HERC4: variants seen among roughly 807,000 people sequenced by gnomAD.
The protein encoded by HERC4 is probable E3 ubiquitin-protein ligase HERC4.
Under a neutral mutation model 124.3 loss-of-function variants are expected in HERC4, and 28 were observed. The ratio of observed to expected loss-of-function variants is 0.23; its 90% CI spans 0.17 to 0.31. The LOEUF (loss-of-function observed/expected upper bound fraction) is 0.31, where lower values mean the gene tolerates loss of function less well. Among genes scored for constraint, HERC4 ranks in the 10% least tolerant of loss-of-function variants. HERC4 has a pLI of 1.00. For missense variants in HERC4, 713 were observed against 1,229.3 expected (o/e 0.58, Z 6.28); for synonymous variants, 407 against 421.5 (o/e 0.97, Z 0.42).
chr10:67,968,048 C>A (rs2034996986), intron 15 of HERC4, among the ~76,000 whole-genome samples: 1 of 152,074 alleles, frequency 6.6e-6, no homozygotes, highest in African/African-American at 2.4e-5. Context: ...TAAAGAACAA[C>A]TACTGTACTT....
intron 3 of HERC4, among the ~76,000 whole-genome samples, chr10:68,044,905 A>G (rs1426203651): frequency 1.3e-5 from 2 of 152,208 alleles, no homozygotes; most frequent in Non-Finnish European, 2.9e-5. Flanking sequence ...TACTAATAAA[A>G]GAGTCCAGGT....
At chr10:67,927,420 ATATATATATATTTT>A (rs2031207016) in intron 23 of HERC4, among the ~76,000 whole-genome samples, 1 of 8,232 alleles carries the variant, frequency 1.2e-4, no homozygotes, top group African/African-American at 4.3e-4. Context: ...ATATATATAT[ATATATATATATTTT>A]TTTTTTTTTT....
rs954101177 is a variant in HERC4 at position 68,070,296 on chromosome 10, G to A, written c.226+2587C>T. On this transcript the variant is annotated intron_variant, in intron 3 of 24. Coordinates refer to ENST00000373700, the MANE Select transcript of HERC4 (RefSeq NM_015601.4). ...TAGTTAAAAACATTCTTAAAATTTA[G>A]TTAAAAACATTATTTAAAAAACATC... 75 of 961,098 alleles carry A rather than the reference G, an allele frequency of 7.8e-5. 4 individuals carry two copies. Among genetic ancestry groups the A allele is most frequent in the Middle Eastern group, 1.1e-3 (2 of 1,894 alleles). The allele number at this position is 961,098 out of a possible 1,614,324, so 59.5% of individuals were successfully genotyped here. A position where few individuals can be genotyped will look rare whatever the true frequency, so the allele number is the denominator to read the frequency against.
In HERC4 at chr10:67,968,870, G is replaced by C. The variant is rs182513746; in HGVS notation, c.1807-2068C>G. On this transcript the variant is annotated intron_variant, in intron 15 of 24. Transcript: ENST00000373700. ...ATTTTTAACACTGCTCTCATTAACT[G>C]ATAGAAAAAAATAGACAAAACCAGC... is the stretch of plus-strand genomic sequence containing the variant. Among the ~76,000 whole-genome samples, 82 of 152,150 alleles carry C rather than the reference G, an allele frequency of 5.4e-4. 1 individual carries two copies. Among genetic ancestry groups the C allele is most frequent in the African/African-American group, 1.7e-3 (72 of 41,488 alleles).
chr10:68,001,036 T>A (rs1564531252), intron 9 of HERC4, among the ~76,000 whole-genome samples: 1 of 152,148 alleles, frequency 6.6e-6, no homozygotes, highest in Non-Finnish European at 1.5e-5. Context: ...TCCAGGGAGA[T>A]AATAATCACT....
intron 15 of HERC4, among the ~76,000 whole-genome samples, chr10:67,985,479 T>C (rs1391544681): frequency 1.3e-5 from 2 of 152,240 alleles, no homozygotes; most frequent in African/African-American, 4.8e-5. Flanking sequence ...TTTAGTATTC[T>C]TGCTTAAAAA....
At chr10:67,932,977 G>T (rs2031986249) in intron 22 of HERC4, among the ~76,000 whole-genome samples, 197 bp from the exon 23 acceptor site, 1 of 152,138 alleles carries the variant, frequency 6.6e-6, no homozygotes. Context: ...ATAAAAATCA[G>T]CTGTATCCAT....
Position 68,072,899 on chromosome 10 carries a change from T to G in HERC4, c.210A>C (p.Lys70Asn), listed in dbSNP as rs1342724591. Residue 70 changes from lysine to asparagine, a missense_variant, in exon 3 of 25, where the codon AAA becomes AAC. Physicochemically the swap from Lys to Asn is moderately conservative, Grantham distance 94 (BLOSUM62 0). Coordinates refer to ENST00000373700, the MANE Select transcript of HERC4 (RefSeq NM_015601.4). ...CNDLGQLGHE[K>N]SRKKPEQVVA... ...TCAACTTACCTGGTTTCTTTCTGGA[T>G]TTTTCATGACCTAGCTGTCCTAGAT... The G allele has an allele frequency of 1.3e-6, 2 of 1,563,332 alleles. No individual in the cohort carries two copies. The highest frequency in any genetic ancestry group is 1.7e-6 in the Non-Finnish European group (2 of 1,157,554).
At chr10:68,013,988 C>A in intron 9 of HERC4, 38 bp downstream of exon 9, 1 of 1,474,910 alleles carries the variant, frequency 6.8e-7, no homozygotes, top group Non-Finnish European at 9.1e-7. Flanking sequence ...ACAAGAACTT[C>A]AATATATGAA....
intron 23 of HERC4, among the ~76,000 whole-genome samples, chr10:67,927,993 T>C (rs945179220): frequency 6.6e-6 from 1 of 152,022 alleles, no homozygotes; most frequent in Non-Finnish European, 1.5e-5. Flanking sequence ...GGTTTGCAAT[T>C]TTAGATCAGT....
intron 9 of HERC4, 21 bp downstream of exon 9, chr10:68,014,005 C>T (rs2038120588): frequency 6.5e-7 from 1 of 1,545,826 alleles, no homozygotes; most frequent in Non-Finnish European, 8.7e-7. Context: ...TGAAGGAAAG[C>T]TTTAATATGA....
chr10:68,030,066 A>G (rs2039119938), intron 7 of HERC4, among the ~76,000 whole-genome samples: 1 of 152,004 alleles, frequency 6.6e-6, no homozygotes, highest in Non-Finnish European at 1.5e-5. Context: ...CACATGTAAC[A>G]GTTTCTAGAT....
At chr10:68,006,268 T>G (rs546673018) in intron 9 of HERC4, among the ~76,000 whole-genome samples, 1 of 152,198 alleles carries the variant, frequency 6.6e-6, no homozygotes, top group Non-Finnish European at 1.5e-5. Flanking sequence ...TGATTTGTTA[T>G]TGTTCATTAA....
At chr10:68,015,267 AAACTGTCCCAGCTGAGGCCATCCTAG>A (rs1257135645) in intron 8 of HERC4, among the ~76,000 whole-genome samples, 1 of 152,216 alleles carries the variant, frequency 6.6e-6, no homozygotes, top group Non-Finnish European at 1.5e-5. Context: ...TGGAACAGAC[AAACTGTCCCAGCTGAGGCCATCCTAG>A]ACTTCCAGCT....
intron 4 of HERC4, among the ~76,000 whole-genome samples, chr10:68,043,677 G>GCA (rs2039880467): frequency 6.6e-6 from 1 of 152,040 alleles, no homozygotes; most frequent in Non-Finnish European, 1.5e-5. Flanking sequence ...TTAGCCAGCT[G>GCA]TGGTGGTGGG....
At chr10:67,951,890 T>C (rs969533357) in intron 19 of HERC4, among the ~76,000 whole-genome samples, 2 of 152,172 alleles carry the variant, frequency 1.3e-5, no homozygotes, top group Non-Finnish European at 2.9e-5. Flanking sequence ...ATTTCTGCCA[T>C]CGTTTTTGGC....
intron 16 of HERC4, among the ~76,000 whole-genome samples, chr10:67,963,166 C>T (rs916088705): frequency 3.9e-5 from 6 of 152,164 alleles, no homozygotes; most frequent in African/African-American, 1.2e-4. Context: ...TTCATCATTA[C>T]AACATTCTCC....
At chr10:68,069,091 T>C (rs1589479554) in intron 3 of HERC4, 4 of 983,662 alleles carry the variant, frequency 4.1e-6, no homozygotes, top group Non-Finnish European at 4.8e-6. Flanking sequence ...TGGAAATCAA[T>C]GTGCAAAACA....
chr10:67,958,059 G>A (rs779579656), intron 16 of HERC4, among the ~76,000 whole-genome samples: 6 of 151,990 alleles, frequency 3.9e-5, no homozygotes, highest in Non-Finnish European at 7.4e-5. Flanking sequence ...CGCCCACCTC[G>A]GCCTCCCAAA....
Sources: gnomAD v4.1 joint callset for allele counts (sites outside exome capture counted in the v4.1 genomes callset) on GRCh38, gnomAD v4.1.1 for gene constraint, MANE v1.5 for transcripts, NCBI Gene and HGNC (gene_info 2026-07-23, HGNC 2026-07-21) for gene names.